PNPLA8: variants seen among roughly 807,000 people sequenced by gnomAD.
The protein encoded by PNPLA8 is patatin like domain 8, phospholipase A2.
PNPLA8 carries 39 observed loss-of-function variants against 76.9 expected under a neutral mutation model. The observed-to-expected ratio is 0.51, with a 90% confidence interval of 0.39 to 0.66. PNPLA8 has a LOEUF of 0.66. PNPLA8 is among the 30% of genes least tolerant of loss of function. PNPLA8 has a pLI of 0.00. For missense variants in PNPLA8, 887 were observed against 918.0 expected (o/e 0.97, Z 0.44); for synonymous variants, 301 against 307.9 (o/e 0.98, Z 0.24).
chr7:108,510,966 G>T, intron 4 of PNPLA8: 1 of 1,475,904 alleles, frequency 6.8e-7, no homozygotes, highest in African/African-American at 1.4e-5. Context: ...CTTATTAGAA[G>T]AATGAACTAA....
At chr7:108,481,535 C>T (rs926436296) in intron 9 of PNPLA8, among the ~76,000 whole-genome samples, 4 of 152,186 alleles carry the variant, frequency 2.6e-5, no homozygotes, top group Admixed American at 2.0e-4. Context: ...AAGTCTTTGG[C>T]TCACATTGTT....
chr7:108,472,290 A>G lies in PNPLA8; in HGVS notation c.*111T>C, dbSNP rs1859672737. On this transcript the variant is annotated 3_prime_UTR_variant, in exon 11 of 11. Coordinates refer to ENST00000257694, the MANE Select transcript of PNPLA8 (RefSeq NM_001256007.3). ...AGCACCGTCTTTTTCAGGATTCTCC[A>G]GAATTCATACGTATTTCAAAGTTAA... is the stretch of plus-strand genomic sequence containing the variant. 1 of 735,328 alleles carries G rather than the reference A, an allele frequency of 1.4e-6. No individual in the cohort carries two copies. Among genetic ancestry groups the G allele is most frequent in the East Asian group, 2.6e-5 (1 of 37,828 alleles). 45.6% of individuals were successfully genotyped at this position (735,328 alleles called of 1,614,324 possible).
chr7:108,520,365 G>A (rs1450250198), intron 2 of PNPLA8, among the ~76,000 whole-genome samples: 1 of 152,074 alleles, frequency 6.6e-6, no homozygotes, highest in Admixed American at 6.5e-5. Flanking sequence ...CTTATATGTA[G>A]GAGCTAAAAA....
At chr7:108,511,820 A>G (rs987780091) in intron 4 of PNPLA8, among the ~76,000 whole-genome samples, 5 of 152,196 alleles carry the variant, frequency 3.3e-5, no homozygotes, top group African/African-American at 9.7e-5. Context: ...AAAAAACCAG[A>G]TTATAAAACA....
intron 8 of PNPLA8, among the ~76,000 whole-genome samples, chr7:108,491,040 C>T (rs1861129244): frequency 6.6e-6 from 1 of 152,026 alleles, no homozygotes; most frequent in African/African-American, 2.4e-5. Context: ...CACGATGGCT[C>T]ATGCCTGTAA....
rs201622763 is a variant in PNPLA8, at chr7:108,472,706, G to A, written c.2075-31C>T. On this transcript the variant is annotated intron_variant, in intron 10 of 10. Coordinates refer to ENST00000257694, the MANE Select transcript of PNPLA8 (RefSeq NM_001256007.3). ...AAAGCAAAAAAGAAAAGGATAAGGG[G>A]ATAAGAAAAGAGGGGATAAAGTGAG... 4.7e-6 allele frequency: 7 copies of A among 1,486,926 alleles called. No individual in the cohort carries two copies. In the South Asian group the frequency reaches 5.5e-5, roughly 12 times the overall value. 92.1% of individuals were successfully genotyped at this position (1,486,926 alleles called of 1,614,324 possible).
At chr7:108,495,545 A>T (rs1455229341) in intron 7 of PNPLA8, among the ~76,000 whole-genome samples, 1 of 152,130 alleles carries the variant, frequency 6.6e-6, no homozygotes, top group Non-Finnish European at 1.5e-5. Flanking sequence ...TGGGATTATA[A>T]ATTATTTTTA....
intron 10 of PNPLA8, 44 bp from the exon 11 acceptor site, chr7:108,472,719 G>A (rs773735363): frequency 8.0e-6 from 11 of 1,371,976 alleles, no homozygotes; most frequent in Middle Eastern, 1.9e-4. Context: ...AAGAAAAGAG[G>A]GGATAAAGTG....
Position 108,472,678 on chromosome 7 carries a change from G to A in PNPLA8, c.2075-3C>T. On this transcript the variant is annotated splice_polypyrimidine_tract_variant and splice_region_variant and intron_variant, in intron 10 of 10. Transcript: ENST00000257694. ...GCCATCAAGCATTATATGGACTTCT[G>A]TTAAAGCAAAAAAGAAAAGGATAAG... 1 of 1,558,340 alleles carries A rather than the reference G, an allele frequency of 6.4e-7. No individual in the cohort carries two copies.
intron 7 of PNPLA8, among the ~76,000 whole-genome samples, chr7:108,492,735 C>T (rs529279157): frequency 9.9e-5 from 15 of 151,868 alleles, no homozygotes; most frequent in African/African-American, 2.7e-4. Context: ...AAACAATGGG[C>T]GAAAAAATGC....
chr7:108,490,029 A>G (rs985012437), intron 8 of PNPLA8, among the ~76,000 whole-genome samples: 2 of 152,234 alleles, frequency 1.3e-5, no homozygotes, highest in East Asian at 1.9e-4. Context: ...CATATACAAC[A>G]GTGGTCCCAT....
At chr7:108,510,222 C>T (rs1425477535) in intron 4 of PNPLA8, 76 of 1,258,762 alleles carry the variant, frequency 6.0e-5, no homozygotes, top group African/African-American at 2.9e-4. Context: ...GCTCTTTTTC[C>T]GGCTGGAACC....
intron 10 of PNPLA8, among the ~76,000 whole-genome samples, chr7:108,473,750 T>C (rs1238021560): frequency 6.6e-6 from 1 of 152,206 alleles, no homozygotes; most frequent in African/African-American, 2.4e-5. Flanking sequence ...CTGTGTCCTA[T>C]ATATATGACA....
chr7:108,515,724 T>C (rs1416076071), intron 2 of PNPLA8, 150 bp from the exon 3 acceptor site: 1 of 338,278 alleles, frequency 3.0e-6, no homozygotes, highest in Non-Finnish European at 5.1e-6. Context: ...AAATTCATTT[T>C]TAAGCTAATA....
chr7:108,525,980 A>G, intron 1 of PNPLA8, 49 bp downstream of exon 1: 5 of 871,388 alleles, frequency 5.7e-6, no homozygotes, highest in Non-Finnish European at 5.5e-6. Context: ...GTCCAGAACG[A>G]TCAACCAGCC....
Position 108,471,140 on chromosome 7 carries a change from G to A in PNPLA8, c.*1261C>T, listed in dbSNP as rs1859603049. ...TTGGCATGAACAATGTTCCATGTAA[G>A]TGCATCTTACCAACTTCCATGAAAT... On this transcript the variant is annotated 3_prime_UTR_variant, in exon 11 of 11. Coordinates refer to ENST00000257694, the MANE Select transcript of PNPLA8 (RefSeq NM_001256007.3). 1 of 151,686 alleles carries A rather than the reference G, an allele frequency of 6.6e-6. No individual in the cohort carries two copies. The allele number at this position is 151,686 out of a possible 1,614,324, so 9.4% of individuals were successfully genotyped here.
intron 4 of PNPLA8, among the ~76,000 whole-genome samples, chr7:108,509,471 AATGAGATACC>A (rs1862724814): frequency 6.7e-6 from 1 of 149,506 alleles, no homozygotes; most frequent in African/African-American, 2.5e-5. Flanking sequence ...TCAAAACCAC[AATGAGATACC>A]ATCTCACACC....
In PNPLA8 at chr7:108,496,657, C is replaced by T. The variant is rs1453414498; in HGVS notation, c.1552G>A (p.Val518Ile). Residue 518 changes from valine to isoleucine, a missense_variant, in exon 7 of 11, where the codon GTC (valine) becomes ATC (isoleucine). Val to Ile is a conservative substitution (Grantham distance 29). Transcript: ENST00000257694. Reference sequence around the variant, plus strand: ...CTCATTTTTACTGTTCCAACAATGACATTTTGTGAAAATACATCTGATCCT... The same window carrying T: ...CTCATTTTTACTGTTCCAACAATGATATTTTGTGAAAATACATCTGATCCT... ...KLGSDVFSQN[V>I]IVGTVKMSWS... is the part of the protein sequence containing the mutation. 6.2e-6 allele frequency: 10 copies of T among 1,612,534 alleles called. No homozygotes were observed. Among genetic ancestry groups the T allele is most frequent in the East Asian group, 2.2e-5 (1 of 44,742 alleles).
chr7:108,487,843 C>A lies in PNPLA8; in HGVS notation c.1794G>T (p.Gln598His). The A allele has an allele frequency of 6.2e-7, 1 of 1,613,396 alleles. No individual in the cohort carries two copies. The highest frequency in any genetic ancestry group is 8.5e-7 in the Non-Finnish European group (1 of 1,179,412). Reference sequence around the variant, plus strand: ...CTCTAATGGCCTGCCACATTTTATACTGACAGCCTCCCAAATAATGAGAGT... The same window carrying A: ...CTCTAATGGCCTGCCACATTTTATAATGACAGCCTCCCAAATAATGAGAGT... Reference protein sequence around the residue: ...GINSHYLGGCQYKMWQAIRAS... With the variant: ...GINSHYLGGCHYKMWQAIRAS... The change falls in exon 9 of 11, where the codon CAG becomes CAT. Residue 598 changes from glutamine to histidine, a missense_variant. Physicochemically the swap from Gln to His is conservative, Grantham distance 24. Coordinates refer to ENST00000257694, the MANE Select transcript of PNPLA8 (RefSeq NM_001256007.3).
Sources: allele counts gnomAD v4.1 joint callset (sites outside exome capture counted in the v4.1 genomes callset), GRCh38; gene constraint gnomAD v4.1.1; transcripts MANE v1.5; gene names NCBI Gene and HGNC (gene_info 2026-07-23, HGNC 2026-07-21).